SFMBT1: variants seen among roughly 807,000 people sequenced by gnomAD.
SFMBT1 encodes scm-like with four MBT domains protein 1.
Under a neutral mutation model 108.7 loss-of-function variants are expected in SFMBT1, and 32 were observed. That is an observed-to-expected ratio of 0.29 (90% CI 0.22 to 0.40). The LOEUF (loss-of-function observed/expected upper bound fraction) is 0.40, where lower values mean the gene tolerates loss of function less well. Among genes scored for constraint, SFMBT1 ranks in the 10% least tolerant of loss-of-function variants. SFMBT1 has a pLI of 1.00. For synonymous variants in SFMBT1, 348 were observed against 369.5 expected, an observed-to-expected ratio of 0.94 and a Z score of 0.67; for missense variants, 816 against 1,059.6, an observed-to-expected ratio of 0.77 and a Z score of 3.19.
chr3:53,003,287 T>C (rs1436377241), intron 1 of SFMBT1, among the ~76,000 whole-genome samples: 1 of 150,018 alleles, frequency 6.7e-6, no homozygotes, highest in Non-Finnish European at 1.5e-5. Flanking sequence ...TTTAAAATAA[T>C]GATGACACAA....
At chr3:52,945,888 A>G (rs1029125161) in intron 3 of SFMBT1, among the ~76,000 whole-genome samples, 1 of 152,216 alleles carries the variant, frequency 6.6e-6, no homozygotes, top group African/African-American at 2.4e-5. Flanking sequence ...TATGATGAGA[A>G]ACAGGATATC....
At chr3:52,989,496 C>T (rs1415701871) in intron 1 of SFMBT1, among the ~76,000 whole-genome samples, 1 of 149,468 alleles carries the variant, frequency 6.7e-6, no homozygotes. Flanking sequence ...TACTAATGTT[C>T]ATGTTTTATA....
In SFMBT1 at chr3:53,002,976, G is replaced by A. The variant is rs759578124; in HGVS notation, c.-130-33718C>T. On this transcript the variant is annotated intron_variant, in intron 1 of 20. Transcript: ENST00000394752. ...GTCACTACTCAAAATATAAAAATTA[G>A]CCAGGTATGGTAGCACATGCTTGTA... Among the ~76,000 whole-genome samples, 6 of 149,080 alleles carry A rather than the reference G, an allele frequency of 4.0e-5. 1 individual carries two copies. Among genetic ancestry groups the A allele is most frequent in the Non-Finnish European group, 7.5e-5 (5 of 66,638 alleles).
intron 4 of SFMBT1, among the ~76,000 whole-genome samples, 173 bp downstream of exon 4, chr3:52,943,180 T>A (rs1282380824): frequency 2.6e-5 from 4 of 152,196 alleles, no homozygotes; most frequent in Admixed American, 2.6e-4. Flanking sequence ...AAAATAATTT[T>A]AAAAGACAGG....
intron 5 of SFMBT1, 131 bp downstream of exon 5, chr3:52,934,682 C>T (rs767763826): frequency 2.6e-4 from 178 of 691,124 alleles, no homozygotes; most frequent in Non-Finnish European, 3.9e-4. Context: ...TTTAAACTTC[C>T]CAATACCTAT....
intron 15 of SFMBT1, among the ~76,000 whole-genome samples, chr3:52,913,014 C>T (rs1351020957): frequency 3.3e-5 from 5 of 152,186 alleles, no homozygotes; most frequent in Non-Finnish European, 5.9e-5. Context: ...CTGGAGGAGT[C>T]TGGTCCAGAC....
intron 1 of SFMBT1, among the ~76,000 whole-genome samples, chr3:53,010,362 G>C (rs932004419): frequency 5.3e-5 from 8 of 152,184 alleles, no homozygotes; most frequent in African/African-American, 1.4e-4. Flanking sequence ...GGAGACAAAG[G>C]CATCAAGAGA....
intron 14 of SFMBT1, among the ~76,000 whole-genome samples, chr3:52,915,126 T>G (rs1702312643): frequency 6.6e-6 from 1 of 152,214 alleles, no homozygotes; most frequent in African/African-American, 2.4e-5. Flanking sequence ...ATGGTTCAAC[T>G]TATCTCTCTG....
At chr3:52,908,676 C>T (rs1389735418) in intron 17 of SFMBT1, among the ~76,000 whole-genome samples, 2 of 152,142 alleles carry the variant, frequency 1.3e-5, no homozygotes, top group Non-Finnish European at 2.9e-5. Flanking sequence ...TCATGTGATT[C>T]TCCTGCCTCA....
At chr3:53,026,322 T>C (rs1448659910) in intron 1 of SFMBT1, among the ~76,000 whole-genome samples, 4 of 152,180 alleles carry the variant, frequency 2.6e-5, no homozygotes, top group Non-Finnish European at 5.9e-5. Context: ...TTTCCTAGCA[T>C]TCTACCAAAA....
At chr3:52,930,646 T>G (rs1222902696) in intron 7 of SFMBT1, among the ~76,000 whole-genome samples, 6 of 152,144 alleles carry the variant, frequency 3.9e-5, no homozygotes, top group Non-Finnish European at 7.3e-5. Context: ...CTCTCTACAT[T>G]CAAAGACAAG....
chr3:52,918,666 T>G (rs1308510781), intron 12 of SFMBT1, 140 bp from the exon 13 acceptor site: 1 of 408,342 alleles, frequency 2.4e-6, no homozygotes, highest in Non-Finnish European at 4.3e-6. Flanking sequence ...TGTGTATATA[T>G]ATATATACAC....
chr3:53,029,896 T>C (rs1296917517), intron 1 of SFMBT1, among the ~76,000 whole-genome samples: 2 of 151,976 alleles, frequency 1.3e-5, no homozygotes, highest in African/African-American at 2.4e-5. Context: ...ACCCTTGGCA[T>C]CTTGGGGGCA....
At chr3:53,045,765 C>T (rs1700218254) in intron 1 of SFMBT1, 51 bp downstream of exon 1, 2 of 149,778 alleles carry the variant, frequency 1.3e-5, no homozygotes, top group South Asian at 3.9e-4. Context: ...CCGCCGCCGC[C>T]CCTCCAGGCC....
chr3:52,917,465 A>G (rs2106774143), intron 13 of SFMBT1, among the ~76,000 whole-genome samples: 1 of 152,306 alleles, frequency 6.6e-6, no homozygotes, highest in South Asian at 2.1e-4. Flanking sequence ...TCTGCTAGCC[A>G]GGGAGAATGC....
intron 1 of SFMBT1, chr3:53,043,214 C>T (rs1400739134): frequency 6.6e-6 from 1 of 151,974 alleles, no homozygotes; most frequent in Non-Finnish European, 1.5e-5. Context: ...CAAATTGTTG[C>T]AGCATTTGCT....
intron 1 of SFMBT1, among the ~76,000 whole-genome samples, chr3:52,985,697 A>C (rs1319018612): frequency 1.3e-5 from 2 of 152,210 alleles, no homozygotes; most frequent in Non-Finnish European, 2.9e-5. Context: ...ACGCAAACCT[A>C]GATGGTGCGG....
At position 52,930,977 on chromosome 3, in the gene SFMBT1, C is replaced by A. The variant is rs753632764; in HGVS notation, c.759G>T (p.Glu253Asp). 1.2e-6 allele frequency: 2 copies of A among 1,614,046 alleles called. No homozygotes were observed. The highest frequency in any genetic ancestry group is 1.7e-6 in the Non-Finnish European group (2 of 1,179,952). Residue 253 changes from glutamate to aspartate, a missense_variant, in exon 7 of 21, where the codon GAG becomes GAT. Physicochemically the swap from Glu to Asp is conservative, Grantham distance 45. This residue lies in a region of SFMBT1 where 495 missense variants were observed against 607.4 expected (regional missense o/e 0.81). Coordinates refer to ENST00000394752, the MANE Select transcript of SFMBT1 (RefSeq NM_016329.4). ...AAGATGGTAATGGCTCTTCCTCTTC[C>A]TCTTTCACTTTGGCCAAAATCTCTT... is the stretch of plus-strand genomic sequence containing the variant. ...EWQEILAKVK[E>D]EEEEPLPSYL...
chr3:52,916,020 A>T, intron 14 of SFMBT1, 130 bp downstream of exon 14: 1 of 673,338 alleles, frequency 1.5e-6, no homozygotes, highest in South Asian at 1.9e-5. Context: ...ATAACTCTAA[A>T]GTCACAATTA....
Sources: gnomAD v4.1 joint callset for allele counts (sites outside exome capture counted in the v4.1 genomes callset) on GRCh38, gnomAD v4.1.1 for gene constraint, gnomAD v4.1.1 regional missense constraint, MANE v1.5 for transcripts, NCBI Gene and HGNC (gene_info 2026-07-23, HGNC 2026-07-21) for gene names.